Variants in NRCAM observed in about 807,000 individuals in gnomAD.
NRCAM encodes the protein neuronal cell adhesion molecule.
A neutral mutation model predicts 156.5 loss-of-function variants in NRCAM; 83 were observed. The observed-to-expected ratio is 0.53, with a 90% CI of 0.44 to 0.64. The LOEUF is 0.64. Ranked by LOEUF, NRCAM falls within the 30% of genes least tolerant of loss-of-function variation. The probability of loss-of-function intolerance (pLI) is 0.00; values close to 1 mark genes in which losing one functional copy is unlikely to be tolerated. For synonymous variants in NRCAM, 538 were observed against 563.9 expected, an observed-to-expected ratio of 0.95 and a Z score of 0.65; for missense variants, 1,417 against 1,597.3, an observed-to-expected ratio of 0.89 and a Z score of 1.92.
rs879792833 is a variant in NRCAM, at chr7:108,279,089, C to T, written c.-107+33576G>A. ...GCACTCTTTCCATTATACCAGGTGA[C>T]GAGAAAACACACCCAGATAAAGACT... On this transcript the variant is annotated intron_variant, in intron 3 of 32. Transcript: ENST00000379028. Among the ~76,000 whole-genome samples, 6 of 152,198 alleles carry T rather than the reference C, an allele frequency of 3.9e-5. No homozygotes were observed. The East Asian group carries it at 5.8e-4, about 15-fold the overall frequency.
chr7:108,350,006 C>G (rs941630064), intron 2 of NRCAM, among the ~76,000 whole-genome samples: 8 of 152,176 alleles, frequency 5.3e-5, no homozygotes, highest in African/African-American at 1.9e-4. Flanking sequence ...ACGCTTCACC[C>G]AAAATGGCTC....
At chr7:108,389,575 A>G (rs1452078549) in intron 2 of NRCAM, among the ~76,000 whole-genome samples, 1 of 152,212 alleles carries the variant, frequency 6.6e-6, no homozygotes, top group African/African-American at 2.4e-5. Context: ...TGCCCTGGGC[A>G]GAACTTCCAA....
Position 108,231,146 on chromosome 7 carries a change from T to C in NRCAM, c.435A>G (p.Pro145=), listed in dbSNP as rs761205270. 1.3e-5 allele frequency: 20 copies of C among 1,583,498 alleles called. No homozygotes were observed. Among genetic ancestry groups the C allele is most frequent in the Non-Finnish European group, 1.5e-5 (18 of 1,170,650 alleles). ...NNIVVRPSRS[P]LWTKEKLEPI... ...GTTCAAGTTTTTCTTTGGTCCACAA[T>C]GGTGATCCTATTAAATAAAAAAATA... is the stretch of plus-strand genomic sequence containing the variant. Residue 145 remains proline (P), a synonymous_variant, in exon 8 of 33, where the codon CCA becomes CCG. Coordinates refer to ENST00000379028, the MANE Select transcript of NRCAM (RefSeq NM_001037132.4).
chr7:108,389,350 GCTCT>G (rs551766746), intron 2 of NRCAM, among the ~76,000 whole-genome samples: 3 of 140,420 alleles, frequency 2.1e-5, no homozygotes, highest in African/African-American at 7.9e-5. Context: ...TCATGATTTG[GCTCT>G]CTGTTTGTTA....
chr7:108,217,005 T>C (rs1329142673), intron 11 of NRCAM, among the ~76,000 whole-genome samples: 3 of 152,170 alleles, frequency 2.0e-5, no homozygotes, highest in African/African-American at 7.2e-5. Flanking sequence ...TTCTCGTTTT[T>C]GGAACTTTCA....
chr7:108,196,795 C>T (rs1043065672), intron 14 of NRCAM, among the ~76,000 whole-genome samples: 4 of 152,010 alleles, frequency 2.6e-5, no homozygotes, highest in Admixed American at 6.6e-5. Flanking sequence ...TGTTTATACT[C>T]AAAACATTAA....
chr7:108,237,838 A>G (rs2095224018), intron 4 of NRCAM, 69 bp from the exon 5 acceptor site: 18 of 1,159,408 alleles, frequency 1.6e-5, no homozygotes, highest in Non-Finnish European at 2.1e-5. Flanking sequence ...GTTAATAATA[A>G]GAACGTTAGA....
At chr7:108,358,868 G>A (rs1211108757) in intron 2 of NRCAM, among the ~76,000 whole-genome samples, 1 of 152,208 alleles carries the variant, frequency 6.6e-6, no homozygotes, top group Non-Finnish European at 1.5e-5. Flanking sequence ...AAAACTCCCA[G>A]CAGTTAAAGG....
At chr7:108,317,417 C>T (rs2098940763) in intron 2 of NRCAM, among the ~76,000 whole-genome samples, 1 of 152,086 alleles carries the variant, frequency 6.6e-6, no homozygotes, top group African/African-American at 2.4e-5. Flanking sequence ...TTAGTAGAAA[C>T]AGCTAAAGTA....
At position 108,368,869 on chromosome 7, in the gene NRCAM, A is replaced by T. The variant is rs572655577; in HGVS notation, c.-174+30567T>A. On this transcript the variant is annotated intron_variant, in intron 2 of 32. Transcript: ENST00000379028. ...TCTTACATGGGCAACTAATCATACAAACTTCTCAATAGTACAATGAACATG... is the reference window on the plus strand; with the variant it reads ...TCTTACATGGGCAACTAATCATACATACTTCTCAATAGTACAATGAACATG... Among the ~76,000 whole-genome samples the T allele has an allele frequency of 1.9e-4, 29 of 152,316 alleles. No individual in the cohort carries two copies. In the South Asian group the frequency reaches 5.8e-3, roughly 31 times the overall value.
intron 30 of NRCAM, among the ~76,000 whole-genome samples, chr7:108,163,123 T>C (rs1231897830): frequency 6.6e-6 from 1 of 152,126 alleles, no homozygotes; most frequent in Non-Finnish European, 1.5e-5. Flanking sequence ...AAGGGCTGGG[T>C]AGCGGAGTAA....
chr7:108,302,634 C>A (rs1391209902), intron 3 of NRCAM, among the ~76,000 whole-genome samples: 1 of 152,180 alleles, frequency 6.6e-6, no homozygotes, highest in African/African-American at 2.4e-5. Flanking sequence ...CTGCTTGACT[C>A]CCAGCATCTC....
At chr7:108,258,086 C>T (rs559538093) in intron 3 of NRCAM, among the ~76,000 whole-genome samples, 11 of 152,214 alleles carry the variant, frequency 7.2e-5, no homozygotes, top group South Asian at 2.1e-4. Context: ...CATTTCCTCA[C>T]ACAGAGGAGT....
At chr7:108,374,694 T>C (rs1478076854) in intron 2 of NRCAM, among the ~76,000 whole-genome samples, 1 of 152,106 alleles carries the variant, frequency 6.6e-6, no homozygotes, top group Admixed American at 6.6e-5. Flanking sequence ...ATGAAACAAA[T>C]CCCTTGCTCC....
chr7:108,177,177 A>G (rs1057017686), intron 26 of NRCAM, among the ~76,000 whole-genome samples: 2 of 152,240 alleles, frequency 1.3e-5, no homozygotes, highest in African/African-American at 4.8e-5. Context: ...AAGAAAAACT[A>G]GCTTGTATTT....
Position 108,171,028 on chromosome 7 carries a change from C to T in NRCAM, c.3188-2626G>A, listed in dbSNP as rs10247441. Among the ~76,000 whole-genome samples the T allele has an allele frequency of 6.1e-3, 929 of 152,234 alleles. 6 individuals carry two copies. The highest frequency in any genetic ancestry group is 0.021 in the African/African-American group (870 of 41,520). On this transcript the variant is annotated intron_variant, in intron 28 of 32. Coordinates refer to ENST00000379028, the MANE Select transcript of NRCAM (RefSeq NM_001037132.4). ...TTCTTAAAGATACCCAGAAAAGATA[C>T]CACAATTTCCTAAGGCATGCTGTTT...
At chr7:108,187,838 C>G (rs1033568027) in intron 20 of NRCAM, among the ~76,000 whole-genome samples, 6 of 152,056 alleles carry the variant, frequency 3.9e-5, no homozygotes, top group Admixed American at 3.3e-4. Flanking sequence ...GCCTGTAGTC[C>G]CAGCTACTCG....
At chr7:108,303,156 T>C (rs1471679667) in intron 3 of NRCAM, among the ~76,000 whole-genome samples, 1 of 152,042 alleles carries the variant, frequency 6.6e-6, no homozygotes, top group Admixed American at 6.6e-5. Context: ...GAGATGGGGT[T>C]TCACCATGTT....
At chr7:108,268,608 C>G (rs1162641592) in intron 3 of NRCAM, among the ~76,000 whole-genome samples, 1 of 1,676 alleles carries the variant, frequency 6.0e-4, no homozygotes, top group Non-Finnish European at 1.3e-3. Flanking sequence ...AAGAAATGAG[C>G]GGGGCGGGGG....
Sources: allele counts gnomAD v4.1 joint callset (sites outside exome capture counted in the v4.1 genomes callset), GRCh38; gene constraint gnomAD v4.1.1; transcripts MANE v1.5; gene names NCBI Gene and HGNC (gene_info 2026-07-23, HGNC 2026-07-21).